THSD7A: variants seen among roughly 807,000 people sequenced by gnomAD.
THSD7A encodes thrombospondin type-1 domain-containing protein 7A.
THSD7A carries 96 observed loss-of-function variants against 231.3 expected under a neutral mutation model. The observed-to-expected ratio is 0.41, with a 90% CI of 0.35 to 0.49. The LOEUF is 0.49. Among genes scored for constraint, THSD7A ranks in the 20% least tolerant of loss-of-function variants. THSD7A has a pLI of 0.05. For synonymous variants in THSD7A, 940 were observed against 743.3 expected (o/e 1.26, Z -4.30); for missense variants, 2,290 against 2,070.2 (o/e 1.11, Z -2.06).
intron 11 of THSD7A, among the ~76,000 whole-genome samples, chr7:11,457,592 C>T (rs368357362): frequency 3.3e-5 from 5 of 152,042 alleles, no homozygotes; most frequent in African/African-American, 4.8e-5. Context: ...ATTCTGTACA[C>T]GCTGACAGAT....
chr7:11,751,917 A>G (rs116807008), intron 1 of THSD7A, among the ~76,000 whole-genome samples: 9 of 152,052 alleles, frequency 5.9e-5, no homozygotes, highest in African/African-American at 2.2e-4. Context: ...CATAATTTTA[A>G]GGCAATCATG....
At chr7:11,614,760 AT>A (rs2128350224) in intron 2 of THSD7A, among the ~76,000 whole-genome samples, 1 of 152,146 alleles carries the variant, frequency 6.6e-6, no homozygotes, top group South Asian at 2.1e-4. Context: ...ATTATAATTT[AT>A]ATAGAGTATG....
chr7:11,518,407 T>C (rs977516894), intron 6 of THSD7A, among the ~76,000 whole-genome samples: 1 of 151,808 alleles, frequency 6.6e-6, no homozygotes, highest in African/African-American at 2.4e-5. Flanking sequence ...GGTAGGAGAG[T>C]GTACTCTAAG....
chr7:11,608,068 C>A (rs1265189685), intron 2 of THSD7A, among the ~76,000 whole-genome samples: 4 of 152,060 alleles, frequency 2.6e-5, no homozygotes, highest in African/African-American at 9.7e-5. Flanking sequence ...TACTTATCAC[C>A]CATGCTGTTC....
intron 1 of THSD7A, among the ~76,000 whole-genome samples, chr7:11,800,051 G>A (rs989221490): frequency 2.8e-4 from 42 of 152,224 alleles, no homozygotes; most frequent in African/African-American, 9.9e-4. Flanking sequence ...AGTGTAAGGC[G>A]CTGGCTTCAC....
intron 1 of THSD7A, among the ~76,000 whole-genome samples, chr7:11,727,794 T>C (rs1165764645): frequency 1.3e-5 from 2 of 152,078 alleles, no homozygotes; most frequent in Non-Finnish European, 2.9e-5. Flanking sequence ...AATATTTCTC[T>C]GAGGATACAC....
chr7:11,795,538 C>T (rs1036529069), intron 1 of THSD7A, among the ~76,000 whole-genome samples: 19 of 151,672 alleles, frequency 1.3e-4, no homozygotes, highest in Admixed American at 8.6e-4. Flanking sequence ...ATTTGTAGGT[C>T]GCATTCATTA....
intron 2 of THSD7A, among the ~76,000 whole-genome samples, chr7:11,613,002 T>C (rs1182336146): frequency 6.6e-6 from 1 of 152,210 alleles, no homozygotes; most frequent in East Asian, 1.9e-4. Context: ...TTTGTTTATG[T>C]CATTATCCCA....
chr7:11,719,290 T>G (rs1037766198), intron 1 of THSD7A, among the ~76,000 whole-genome samples: 1 of 151,596 alleles, frequency 6.6e-6, no homozygotes, highest in African/African-American at 2.4e-5. Context: ...TGGAGTTCTC[T>G]CAGGTGACTT....
rs1469288823 is a variant in THSD7A, at chr7:11,474,922, C to T, written c.2018-354G>A. 1.3e-5 allele frequency among the ~76,000 whole-genome samples: 2 copies of T among 151,940 alleles called. No individual in the cohort carries two copies. Among genetic ancestry groups the T allele is most frequent in the African/African-American group, 4.8e-5 (2 of 41,352 alleles). On this transcript the variant is annotated intron_variant, in intron 7 of 27. Transcript: ENST00000423059. This position sits in a 1 kb window ranked among gnomAD's most constrained non-coding sequence, Gnocchi z 4.1. ...ACTACTTTTTGGAGTCTGAAGAATGCCTCAGATTGAAAGAGGCACTGAGAA... is the reference window on the plus strand; with the variant it reads ...ACTACTTTTTGGAGTCTGAAGAATGTCTCAGATTGAAAGAGGCACTGAGAA...
chr7:11,765,585 C>T (rs1011446471), intron 1 of THSD7A, among the ~76,000 whole-genome samples: 3 of 152,038 alleles, frequency 2.0e-5, no homozygotes, highest in Admixed American at 2.0e-4. Context: ...TTGACTATCG[C>T]CAACTTAAAT....
intron 1 of THSD7A, among the ~76,000 whole-genome samples, chr7:11,771,768 T>TG (rs932080455): frequency 3.3e-5 from 5 of 152,292 alleles, no homozygotes; most frequent in African/African-American, 9.6e-5. Flanking sequence ...ATGCTGGAGT[T>TG]GGGGCCTAGT....
At chr7:11,395,240 G>A (rs1418839034) in intron 23 of THSD7A, among the ~76,000 whole-genome samples, 1 of 151,838 alleles carries the variant, frequency 6.6e-6, no homozygotes, top group African/African-American at 2.4e-5. Flanking sequence ...CATTACATAT[G>A]GTAAAGGGAT....
chr7:11,613,760 A>G (rs923144721), intron 2 of THSD7A, among the ~76,000 whole-genome samples: 8 of 152,208 alleles, frequency 5.3e-5, no homozygotes, highest in African/African-American at 1.9e-4. Flanking sequence ...GATCAGCAGT[A>G]AATTGAGCAC....
chr7:11,424,242 T>C (rs892714025), intron 16 of THSD7A, among the ~76,000 whole-genome samples: 1 of 152,030 alleles, frequency 6.6e-6, no homozygotes, highest in Admixed American at 6.5e-5. Context: ...TATGGGACAG[T>C]GTAGCTACAG....
chr7:11,381,486 C>T (rs1376907974), intron 24 of THSD7A, among the ~76,000 whole-genome samples: 3 of 152,050 alleles, frequency 2.0e-5, no homozygotes, highest in Non-Finnish European at 4.4e-5. Flanking sequence ...CATATTGATC[C>T]TTGCTCCTGT....
At chr7:11,607,685 C>T (rs1780779567) in intron 2 of THSD7A, among the ~76,000 whole-genome samples, 1 of 152,042 alleles carries the variant, frequency 6.6e-6, no homozygotes, top group Non-Finnish European at 1.5e-5. Flanking sequence ...ATGAATTTTA[C>T]TCTCTAAGTG....
chr7:11,383,483 G>T (rs116060639), intron 23 of THSD7A, among the ~76,000 whole-genome samples: 3,230 of 152,030 alleles, frequency 0.021, 107 homozygotes, highest in African/African-American at 0.074. Context: ...TGGTATCACT[G>T]TATGGCTAGC....
At position 11,411,903 on chromosome 7, in the gene THSD7A, GA is replaced by G. The variant is rs990478293; in HGVS notation, c.3683-582del. Among the ~76,000 whole-genome samples the G allele has an allele frequency of 8.0e-5, 11 of 137,748 alleles. No individual in the cohort carries two copies. The highest frequency in any genetic ancestry group is 3.3e-4 in the African/African-American group (11 of 33,222). The allele number at this position is 137,748 out of a possible 152,430, so 90.4% of individuals were successfully genotyped here. A position where few individuals can be genotyped will look rare whatever the true frequency, so the allele number is the denominator to read the frequency against. ...AACATAGCACATCCCAGATAACTGT[GA>G]TTTTTTTTTTTTGTATCATCAAAGG... On this transcript the variant is annotated intron_variant, in intron 18 of 27. Coordinates refer to ENST00000423059, the MANE Select transcript of THSD7A (RefSeq NM_015204.3). The surrounding 1 kb of genome is among the most constrained non-coding windows in gnomAD (Gnocchi z 4.1).
Sources: gnomAD v4.1 joint callset for allele counts (sites outside exome capture counted in the v4.1 genomes callset) on GRCh38, gnomAD v4.1.1 for gene constraint, Gnocchi (gnomAD v3.1) non-coding constraint, MANE v1.5 for transcripts, NCBI Gene and HGNC (gene_info 2026-07-23, HGNC 2026-07-21) for gene names.